HIVEP3: variants seen among roughly 807,000 people sequenced by gnomAD.
HIVEP3 encodes HIVEP zinc finger 3, also known as transcription factor HIVEP3.
Under a neutral mutation model 152.8 loss-of-function variants are expected in HIVEP3, and 49 were observed. That is an observed-to-expected ratio of 0.32 (90% CI 0.26 to 0.41). The LOEUF (loss-of-function observed/expected upper bound fraction) is 0.41, where lower values mean the gene tolerates loss of function less well. HIVEP3 is among the 10% of genes least tolerant of loss of function. The probability of loss-of-function intolerance (pLI) is 1.00; values close to 1 mark genes in which losing one functional copy is unlikely to be tolerated. For synonymous variants in HIVEP3, 1,269 were observed against 1,289.0 expected (o/e 0.98, Z 0.33); for missense variants, 2,790 against 3,103.3 (o/e 0.90, Z 2.40).
In HIVEP3 at chr1:41,511,355, C is replaced by A; in HGVS notation, c.6406-89G>T. Reference sequence around the variant, plus strand: ...GCCTGGAAGTGGGAGGGGGACTCGCCCAAGATCACAGAGCGAGTCCAGGGT... The same window carrying A: ...GCCTGGAAGTGGGAGGGGGACTCGCACAAGATCACAGAGCGAGTCCAGGGT... On this transcript the variant is annotated intron_variant, in intron 8 of 8. Coordinates refer to ENST00000372583, the MANE Select transcript of HIVEP3 (RefSeq NM_024503.5). This position sits in a 1 kb window ranked among gnomAD's most constrained non-coding sequence, Gnocchi z 4.9. The A allele has an allele frequency of 8.4e-7, 1 of 1,195,578 alleles. No homozygotes were observed. The highest frequency in any genetic ancestry group is 1.1e-6 in the Non-Finnish European group (1 of 869,918). The allele number at this position is 1,195,578 out of a possible 1,614,324, so 74.1% of individuals were successfully genotyped here. A position where few individuals can be genotyped will look rare whatever the true frequency, so the allele number is the denominator to read the frequency against.
intron 1 of HIVEP3, among the ~76,000 whole-genome samples, chr1:41,800,415 A>G (rs1040504848): frequency 2.6e-5 from 4 of 152,180 alleles, no homozygotes; most frequent in African/African-American, 9.6e-5. Flanking sequence ...ACTGGAGGAC[A>G]AGAGGTCATG....
intron 1 of HIVEP3, among the ~76,000 whole-genome samples, chr1:41,985,605 C>T (rs998259925): frequency 6.6e-6 from 1 of 152,188 alleles, no homozygotes; most frequent in Non-Finnish European, 1.5e-5. Context: ...AATACCATCC[C>T]ATTGAGTTTA....
At chr1:41,682,150 C>T (rs561208995) in intron 2 of HIVEP3, among the ~76,000 whole-genome samples, 1 of 152,276 alleles carries the variant, frequency 6.6e-6, no homozygotes, top group Non-Finnish European at 1.5e-5. Flanking sequence ...GCAGCTGAGG[C>T]CACATCTTCT....
intron 1 of HIVEP3, among the ~76,000 whole-genome samples, chr1:41,840,917 G>A (rs1396644102): frequency 2.0e-5 from 3 of 152,202 alleles, no homozygotes; most frequent in Non-Finnish European, 4.4e-5. Flanking sequence ...TTCCCAGAAA[G>A]CAACAAGCCC....
intron 1 of HIVEP3, among the ~76,000 whole-genome samples, chr1:41,816,335 T>C (rs969781656): frequency 1.3e-5 from 2 of 152,174 alleles, no homozygotes; most frequent in Non-Finnish European, 2.9e-5. Context: ...GAAGTTTAAG[T>C]GTTTCTCTTA....
chr1:41,546,223 G>A (rs1643800106), intron 5 of HIVEP3, among the ~76,000 whole-genome samples: 1 of 152,214 alleles, frequency 6.6e-6, no homozygotes, highest in Admixed American at 6.5e-5. Context: ...CCCCAGAGGT[G>A]AAGTTGTTCG....
chr1:41,578,546 TC>T (rs1376651384), intron 4 of HIVEP3, among the ~76,000 whole-genome samples: 1 of 152,242 alleles, frequency 6.6e-6, no homozygotes, highest in African/African-American at 2.4e-5. Context: ...ACAGTTGTGC[TC>T]ACTTATCTAC....
rs554921224 is a variant in HIVEP3 at position 41,513,104 on chromosome 1, G to C, written c.6117C>G (p.Cys2039Trp). 1 of 1,613,906 alleles carries C rather than the reference G, an allele frequency of 6.2e-7. No individual in the cohort carries two copies. The highest frequency in any genetic ancestry group is 1.1e-5 in the South Asian group (1 of 91,090). The change falls in exon 8 of 9, where the codon TGC becomes TGG. Residue 2039 changes from cysteine to tryptophan, a missense_variant. By Grantham distance (215) the Cys-to-Trp change is radical. This residue lies in a region of HIVEP3 where 816 missense variants were observed against 806.5 expected (regional missense o/e 1.01). Transcript: ENST00000372583. ...GAGGGGCCAGTTCTCTTCCCAGGGG[G>C]CAGAGGGTGAGAGGAGACAGCTGAA... is the stretch of plus-strand genomic sequence containing the variant. ...PRLQLSPLTL[C>W]PLGRELAPRA...
intron 1 of HIVEP3, among the ~76,000 whole-genome samples, chr1:41,858,848 G>A (rs776799915): frequency 6.6e-6 from 1 of 152,218 alleles, no homozygotes; most frequent in Non-Finnish European, 1.5e-5. Flanking sequence ...TGAGGAGGGG[G>A]TCTAGTGGGA....
intron 1 of HIVEP3, among the ~76,000 whole-genome samples, chr1:41,978,154 A>T (rs1444313794): frequency 1.3e-5 from 2 of 152,114 alleles, no homozygotes; most frequent in African/African-American, 4.8e-5. Context: ...CACTTCCCTT[A>T]CTTGGCTGGT....
At chr1:42,008,979 A>G (rs1372290628) in intron 1 of HIVEP3, among the ~76,000 whole-genome samples, 1 of 152,212 alleles carries the variant, frequency 6.6e-6, no homozygotes, top group Non-Finnish European at 1.5e-5. Flanking sequence ...TGTGGTTCCT[A>G]GAACTACCGT....
At chr1:41,598,791 A>G (rs1003277619) in intron 3 of HIVEP3, among the ~76,000 whole-genome samples, 1 of 139,444 alleles carries the variant, frequency 7.2e-6, no homozygotes, top group African/African-American at 2.7e-5. Flanking sequence ...ACTCCCACAC[A>G]TACAGTCACA....
At chr1:41,621,189 G>C (rs10749836) in intron 3 of HIVEP3, among the ~76,000 whole-genome samples, 66,003 of 152,098 alleles carry the variant, frequency 0.43, 14,902 homozygotes, top group Non-Finnish European at 0.51. Context: ...CATAGCCATG[G>C]TGCAGCCTCT....
intron 5 of HIVEP3, among the ~76,000 whole-genome samples, chr1:41,554,475 G>A (rs933521589): frequency 6.6e-6 from 1 of 152,188 alleles, no homozygotes; most frequent in Non-Finnish European, 1.5e-5. Flanking sequence ...CCGACCTTCT[G>A]AAGCTTACTT....
At chr1:41,526,564 CACCCTCACACAT>C in intron 5 of HIVEP3, among the ~76,000 whole-genome samples, 2 of 60,140 alleles carry the variant, frequency 3.3e-5, no homozygotes, top group Admixed American at 1.8e-4. Context: ...CACCCTCACA[CACCCTCACACAT>C]ACACCCCCAC....
chr1:41,793,772 T>C (rs1649831238), intron 1 of HIVEP3, among the ~76,000 whole-genome samples: 1 of 152,212 alleles, frequency 6.6e-6, no homozygotes, highest in African/African-American at 2.4e-5. Context: ...TCTTAGCATA[T>C]AGGCCCTTTG....
intron 1 of HIVEP3, among the ~76,000 whole-genome samples, chr1:42,035,515 G>C (rs1645636545): frequency 6.6e-6 from 1 of 152,216 alleles, no homozygotes; most frequent in Admixed American, 6.5e-5. Context: ...TGGGGCCCGG[G>C]CTGAGGAGGG....
At chr1:41,981,905 AG>A (rs1645296092) in intron 1 of HIVEP3, among the ~76,000 whole-genome samples, 1 of 152,198 alleles carries the variant, frequency 6.6e-6, no homozygotes. Context: ...GTGGGGGTCC[AG>A]GGGCTGCAGA....
chr1:41,979,983 T>C (rs764416824), intron 1 of HIVEP3, among the ~76,000 whole-genome samples: 6 of 152,340 alleles, frequency 3.9e-5, no homozygotes, highest in South Asian at 4.1e-4. Context: ...ATCTGCAGTC[T>C]GGTGAAGGTG....
Sources: gnomAD v4.1 joint callset for allele counts (sites outside exome capture counted in the v4.1 genomes callset) on GRCh38, gnomAD v4.1.1 for gene constraint, gnomAD v4.1.1 regional missense constraint, Gnocchi (gnomAD v3.1) non-coding constraint, MANE v1.5 for transcripts, NCBI Gene and HGNC (gene_info 2026-07-23, HGNC 2026-07-21) for gene names.